SDK1: variants seen among roughly 807,000 people sequenced by gnomAD.
SDK1 encodes protein sidekick-1.
A neutral mutation model predicts 245.5 loss-of-function variants in SDK1; 157 were observed. That is an observed-to-expected ratio of 0.64 (90% confidence interval 0.56 to 0.73). The LOEUF (loss-of-function observed/expected upper bound fraction) is 0.73, where lower values mean the gene tolerates loss of function less well. Among genes scored for constraint, SDK1 ranks in the 30% least tolerant of loss-of-function variants. The pLI, the probability that SDK1 is intolerant of heterozygous loss-of-function variation, is 0.00. For synonymous variants in SDK1, 1,647 were observed against 1,278.5 expected (o/e 1.29, Z -6.15); for missense variants, 3,583 against 3,002.3 (o/e 1.19, Z -4.52).
chr7:3,963,977 C>T (rs971008873), intron 9 of SDK1, among the ~76,000 whole-genome samples: 3 of 152,234 alleles, frequency 2.0e-5, no homozygotes, highest in African/African-American at 7.2e-5. Context: ...CCAGTGGGTA[C>T]ACCCACGCCC....
intron 1 of SDK1, among the ~76,000 whole-genome samples, chr7:3,500,108 G>C (rs1019290646): frequency 1.3e-5 from 2 of 152,112 alleles, no homozygotes; most frequent in Non-Finnish European, 2.9e-5. Context: ...GGGGTTTAGG[G>C]GGGGTCTGGT....
At chr7:4,120,941 A>G (rs540008005) in intron 25 of SDK1, among the ~76,000 whole-genome samples, 34 of 152,088 alleles carry the variant, frequency 2.2e-4, no homozygotes, top group South Asian at 6.2e-4. Context: ...AAAAAAAAAA[A>G]AAAGAAAGAA....
In SDK1 at chr7:4,267,278, C is replaced by T. The variant is rs13230455; in HGVS notation, c.*1894C>T. The T allele has an allele frequency of 1.6e-6, 1 of 643,804 alleles. No individual in the cohort carries two copies. Among genetic ancestry groups the T allele is most frequent in the Non-Finnish European group, 1.9e-6 (1 of 520,380 alleles). The allele number at this position is 643,804 out of a possible 1,614,324, so 39.9% of individuals were successfully genotyped here. A position where few individuals can be genotyped will look rare whatever the true frequency, so the allele number is the denominator to read the frequency against. On this transcript the variant is annotated 3_prime_UTR_variant, in exon 45 of 45. Transcript: ENST00000404826. The stretch of plus-strand genomic sequence containing the variant: ...CCTCCCTCCTTCCCTCCCTTCCTTC[C>T]TCTCTTTCCTCCTTCCTTCCCTCCC...
rs375937536 is a variant in SDK1, at chr7:4,221,321, C to T, written c.5784C>T (p.Gly1928=). ...LTLQWTEGHS[G]DTPTTGYVIE... is the part of the protein sequence containing the mutation. ...TGCAGTGGACTGAGGGACACTCTGG[C>T]GACACACCTACCACGGGCTATGTGA... Residue 1928 remains glycine, a synonymous_variant, in exon 40 of 45, where the codon GGC becomes GGT. Coordinates refer to ENST00000404826, the MANE Select transcript of SDK1 (RefSeq NM_152744.4). 21 of 1,612,948 alleles carry T rather than the reference C, an allele frequency of 1.3e-5. No homozygotes were observed. The highest frequency in any genetic ancestry group is 1.2e-4 in the Admixed American group (7 of 59,942).
intron 1 of SDK1, among the ~76,000 whole-genome samples, chr7:3,421,822 CAG>C (rs1242010293): frequency 6.6e-6 from 1 of 152,128 alleles, no homozygotes; most frequent in Admixed American, 6.5e-5. Context: ...CCTTAAATAA[CAG>C]AGCTGCTGCC....
intron 5 of SDK1, among the ~76,000 whole-genome samples, chr7:3,904,316 G>A (rs1461724788): frequency 6.6e-6 from 1 of 152,194 alleles, no homozygotes; most frequent in Non-Finnish European, 1.5e-5. Context: ...GTGCTGAAGA[G>A]TATAGGATTT....
chr7:4,079,387 A>G lies in SDK1; in HGVS notation c.3203-76A>G. On this transcript the variant is annotated intron_variant, in intron 21 of 44. Coordinates refer to ENST00000404826, the MANE Select transcript of SDK1 (RefSeq NM_152744.4). ...TCGTTTTGAAACTGTTTACTTTTGA[A>G]GCTGACACGTTTGATACCTTTCCTA... The G allele has an allele frequency of 2.6e-6, 4 of 1,541,854 alleles. No homozygotes were observed. In the South Asian group the frequency reaches 4.6e-5, roughly 18 times the overall value.
chr7:4,065,694 GTTTTTTTTTTTTTTTTT>G (rs749991713), intron 19 of SDK1, among the ~76,000 whole-genome samples: 915 of 66,926 alleles, frequency 0.014, 57 homozygotes, highest in South Asian at 0.1. Context: ...AGTGGTTGTT[GTTTTTTTTTTTTTTTTT>G]TTTTTTTTTT....
intron 4 of SDK1, among the ~76,000 whole-genome samples, chr7:3,760,365 C>A (rs114888072): frequency 2.2e-3 from 330 of 152,082 alleles, no homozygotes; most frequent in African/African-American, 7.5e-3. Context: ...TGACCTGTTA[C>A]CTGTTTCTTT....
chr7:4,176,992 C>G (rs1782255106), intron 34 of SDK1, among the ~76,000 whole-genome samples: 1 of 152,212 alleles, frequency 6.6e-6, no homozygotes, highest in African/African-American at 2.4e-5. Flanking sequence ...TCGACTTCAA[C>G]ACACAGAACT....
rs1160236022 is a variant in SDK1, at chr7:3,582,004, C to CCTCAGGTAGGCCTGT, written c.299-37066_299-37052dup. On this transcript the variant is annotated intron_variant, in intron 1 of 44. Coordinates refer to ENST00000404826, the MANE Select transcript of SDK1 (RefSeq NM_152744.4). ...GGGCCTACTTGAGGGTGGAAGCCTC[C>CCTCAGGTAGGCCTGT]CTCAGGTAGGCCTGTCTCAGGTAGA... Among the ~76,000 whole-genome samples, 21 of 152,230 alleles carry CCTCAGGTAGGCCTGT rather than the reference C, an allele frequency of 1.4e-4. No individual in the cohort carries two copies. The East Asian group carries it at 2.7e-3, about 20-fold the overall frequency.
chr7:3,905,049 C>T (rs188075851), intron 5 of SDK1, among the ~76,000 whole-genome samples: 441 of 150,776 alleles, frequency 2.9e-3, no homozygotes, highest in African/African-American at 0.01. Flanking sequence ...ATTTTACAGT[C>T]GTAACTTTTA....
At chr7:4,060,402 A>T (rs1779463850) in intron 19 of SDK1, among the ~76,000 whole-genome samples, 1 of 152,200 alleles carries the variant, frequency 6.6e-6, no homozygotes, top group Non-Finnish European at 1.5e-5. Flanking sequence ...AAAGACTTAA[A>T]AACAATACAT....
chr7:3,743,529 T>C (rs549197230), intron 4 of SDK1, among the ~76,000 whole-genome samples: 1 of 152,278 alleles, frequency 6.6e-6, no homozygotes, highest in South Asian at 2.1e-4. Context: ...CAAAATGCAC[T>C]TATACCCTCC....
chr7:4,025,367 C>T (rs953763056), intron 17 of SDK1, among the ~76,000 whole-genome samples: 5 of 152,300 alleles, frequency 3.3e-5, no homozygotes, highest in African/African-American at 7.2e-5. Context: ...TGAGTGAGGG[C>T]GTGAGCAGGG....
intron 30 of SDK1, among the ~76,000 whole-genome samples, chr7:4,153,236 CT>C (rs60694957): frequency 0.061 from 8,783 of 143,308 alleles, 528 homozygotes; most frequent in African/African-American, 0.16. Flanking sequence ...TGACTGATTT[CT>C]TTTTTTTTTT....
intron 5 of SDK1, among the ~76,000 whole-genome samples, chr7:3,872,691 T>C (rs1297137625): frequency 2.6e-5 from 4 of 152,028 alleles, no homozygotes; most frequent in African/African-American, 7.2e-5. Context: ...AATTTACTGC[T>C]TTTATTGAAA....
Position 3,747,580 on chromosome 7 carries a change from C to G in SDK1, c.714-73870C>G, listed in dbSNP as rs191561241. Among the ~76,000 whole-genome samples, 47 of 152,192 alleles carry G rather than the reference C, an allele frequency of 3.1e-4. No individual in the cohort carries two copies. In the East Asian group the frequency reaches 6.7e-3, roughly 22 times the overall value. ...ACTAGGAATAGAGTAGTGATGAAAACAGGAAGACAAGCATTAAATAAATCA... is the reference window on the plus strand; with the variant it reads ...ACTAGGAATAGAGTAGTGATGAAAAGAGGAAGACAAGCATTAAATAAATCA... On this transcript the variant is annotated intron_variant, in intron 4 of 44. Coordinates refer to ENST00000404826, the MANE Select transcript of SDK1 (RefSeq NM_152744.4).
chr7:4,094,344 G>C (rs570440494), intron 22 of SDK1, among the ~76,000 whole-genome samples: 1 of 152,278 alleles, frequency 6.6e-6, no homozygotes, highest in East Asian at 1.9e-4. Flanking sequence ...TTATAGGTGT[G>C]AGCCACCGCG....
Sources: allele counts gnomAD v4.1 joint callset (sites outside exome capture counted in the v4.1 genomes callset), GRCh38; gene constraint gnomAD v4.1.1; transcripts MANE v1.5; gene names NCBI Gene and HGNC (gene_info 2026-07-23, HGNC 2026-07-21).